The following BBS9 variants were observed in gnomAD, a reference collection of about 807,000 sequenced individuals.
The protein encoded by BBS9 is Bardet-Biedl syndrome 9.
Under a neutral mutation model 117.7 loss-of-function variants are expected in BBS9, and 89 were observed. The observed-to-expected ratio is 0.76, with a 90% CI of 0.64 to 0.90. BBS9 has a LOEUF of 0.90. Among genes scored for constraint, BBS9 ranks in the 40% least tolerant of loss-of-function variants. BBS9 has a pLI of 0.00. For missense variants in BBS9, 982 were observed against 1,042.2 expected, an observed-to-expected ratio of 0.94 and a Z score of 0.80; for synonymous variants, 379 against 370.9, an observed-to-expected ratio of 1.02 and a Z score of -0.25.
chr7:33,167,554 C>G (rs900415735), intron 4 of BBS9, among the ~76,000 whole-genome samples: 4 of 152,152 alleles, frequency 2.6e-5, no homozygotes, highest in East Asian at 1.9e-4. Flanking sequence ...AGGTGCCCAC[C>G]ACCATGTCCA....
intron 16 of BBS9, among the ~76,000 whole-genome samples, chr7:33,362,465 A>C (rs557418131): frequency 6.6e-6 from 1 of 152,182 alleles, no homozygotes; most frequent in South Asian, 2.1e-4. Context: ...GATGGATGAA[A>C]TTCATGTTTT....
intron 5 of BBS9, among the ~76,000 whole-genome samples, chr7:33,190,077 A>C (rs908500030): frequency 2.0e-5 from 3 of 151,252 alleles, no homozygotes; most frequent in Non-Finnish European, 4.4e-5. Context: ...TTCCTTTAAA[A>C]AATTTCTTTT....
chr7:33,398,177 A>G lies in BBS9; in HGVS notation c.2115+10033A>G, dbSNP rs74677823. 8.9e-3 allele frequency among the ~76,000 whole-genome samples: 1,354 copies of G among 152,220 alleles called. 7 individuals are homozygous for G. Among genetic ancestry groups the G allele is most frequent in the Non-Finnish European group, 0.014 (986 of 68,010 alleles). On this transcript the variant is annotated intron_variant, in intron 19 of 22. Coordinates refer to ENST00000242067, the MANE Select transcript of BBS9 (RefSeq NM_198428.3). ...ACACTTGAAATGTGAATTTTATGTT[A>G]TGTGTGTTTTACCAGATATATTACC...
chr7:33,524,918 G>T (rs1024427930), intron 20 of BBS9, among the ~76,000 whole-genome samples: 1 of 152,198 alleles, frequency 6.6e-6, no homozygotes, highest in Non-Finnish European at 1.5e-5. Flanking sequence ...GCACTGCTTT[G>T]AATGCATCCC....
At chr7:33,172,836 G>A (rs1796799841) in intron 4 of BBS9, among the ~76,000 whole-genome samples, 1 of 152,004 alleles carries the variant, frequency 6.6e-6, no homozygotes, top group Admixed American at 6.5e-5. Context: ...CTCAAACCAA[G>A]GAAAAAATGG....
intron 9 of BBS9, among the ~76,000 whole-genome samples, chr7:33,305,894 A>G (rs1003271955): frequency 7.3e-5 from 11 of 151,476 alleles, no homozygotes; most frequent in Admixed American, 1.3e-4. Context: ...TCTTCATTTT[A>G]GTGTTATTTA....
intron 9 of BBS9, among the ~76,000 whole-genome samples, chr7:33,290,672 A>G (rs1051714198): frequency 2.6e-5 from 4 of 152,282 alleles, no homozygotes; most frequent in Admixed American, 1.3e-4. Flanking sequence ...GCATAGTGAT[A>G]TGATAGAAGT....
intron 19 of BBS9, among the ~76,000 whole-genome samples, chr7:33,448,775 C>T (rs1299678475): frequency 6.6e-6 from 1 of 152,194 alleles, no homozygotes; most frequent in Non-Finnish European, 1.5e-5. Flanking sequence ...GAGCAGTAAC[C>T]ATGTTGGTCT....
chr7:33,445,637 A>T (rs1836873195), intron 19 of BBS9, among the ~76,000 whole-genome samples: 1 of 152,174 alleles, frequency 6.6e-6, no homozygotes, highest in Admixed American at 6.6e-5. Context: ...CATCTAAATG[A>T]TATTGATATG....
At chr7:33,176,851 CTT>C (rs966673084) in intron 4 of BBS9, among the ~76,000 whole-genome samples, 18 of 152,204 alleles carry the variant, frequency 1.2e-4, no homozygotes, top group Middle Eastern at 3.4e-3. Flanking sequence ...GATAAATACT[CTT>C]TTCTCATTTG....
At position 33,352,854 on chromosome 7, in the gene BBS9, G is replaced by A; in HGVS notation, c.1538-5G>A. The A allele has an allele frequency of 1.2e-6, 2 of 1,612,668 alleles. No homozygotes were observed. The highest frequency in any genetic ancestry group is 1.7e-6 in the Non-Finnish European group (2 of 1,178,916). On this transcript the variant is annotated splice_polypyrimidine_tract_variant and splice_region_variant and intron_variant, in intron 14 of 22. Coordinates refer to ENST00000242067, the MANE Select transcript of BBS9 (RefSeq NM_198428.3). Reference sequence around the variant, plus strand: ...ACCCATTTTTGCATTGCCTGTGATGGACAGATCGAAATCCTGATGGTAAGT... The same window carrying A: ...ACCCATTTTTGCATTGCCTGTGATGAACAGATCGAAATCCTGATGGTAAGT...
intron 21 of BBS9, among the ~76,000 whole-genome samples, chr7:33,624,705 A>C (rs564105179): frequency 1.5e-4 from 23 of 152,336 alleles, no homozygotes; most frequent in African/African-American, 5.5e-4. Context: ...GATAAAAGAT[A>C]ATTGTAAATA....
chr7:33,143,300 T>G (rs1791811889), intron 1 of BBS9, among the ~76,000 whole-genome samples: 1 of 152,174 alleles, frequency 6.6e-6, no homozygotes, highest in Non-Finnish European at 1.5e-5. Context: ...ACCTACCCAC[T>G]GTTTTCCATA....
At chr7:33,565,815 A>C (rs1315087077) in intron 21 of BBS9, among the ~76,000 whole-genome samples, 1 of 60,166 alleles carries the variant, frequency 1.7e-5, no homozygotes, top group African/African-American at 1.9e-4. Context: ...ATATATATAT[A>C]TATATATATA....
intron 19 of BBS9, among the ~76,000 whole-genome samples, chr7:33,417,617 C>T (rs1832217661): frequency 1.3e-5 from 2 of 152,152 alleles, no homozygotes; most frequent in Non-Finnish European, 2.9e-5. Flanking sequence ...CAAAGGTTGC[C>T]ATAACTGTTT....
At chr7:33,580,458 A>G (rs1859692329) in intron 21 of BBS9, among the ~76,000 whole-genome samples, 1 of 152,152 alleles carries the variant, frequency 6.6e-6, no homozygotes, top group Non-Finnish European at 1.5e-5. Flanking sequence ...GTAGAAATGA[A>G]GTAGGTAACA....
rs528981830 is a variant in BBS9, at chr7:33,555,592, G to T, written c.2521+21416G>T. Among the ~76,000 whole-genome samples the T allele has an allele frequency of 6.6e-5, 10 of 152,222 alleles. No individual in the cohort carries two copies. The East Asian group carries it at 1.4e-3, about 21-fold the overall frequency. On this transcript the variant is annotated intron_variant, in intron 21 of 22. Transcript: ENST00000242067. Reference sequence around the variant, plus strand: ...TCAGGAGATAAAATTGAGAGGATTTGGTAGTTAAAATTGAGAGGATTTGGT... The same window carrying T: ...TCAGGAGATAAAATTGAGAGGATTTTGTAGTTAAAATTGAGAGGATTTGGT...
chr7:33,630,560 A>G (rs1865844232), intron 21 of BBS9, among the ~76,000 whole-genome samples: 2 of 152,174 alleles, frequency 1.3e-5, no homozygotes, highest in Non-Finnish European at 2.9e-5. Context: ...TAAATACTTA[A>G]GCACACTGCA....
At chr7:33,580,493 G>T (rs1859699246) in intron 21 of BBS9, among the ~76,000 whole-genome samples, 1 of 134,762 alleles carries the variant, frequency 7.4e-6, no homozygotes, top group Admixed American at 6.9e-5. Flanking sequence ...TTGCTTATTT[G>T]TATGCAAAAC....
Sources: gnomAD v4.1 joint callset for allele counts (sites outside exome capture counted in the v4.1 genomes callset) on GRCh38, gnomAD v4.1.1 for gene constraint, MANE v1.5 for transcripts, NCBI Gene and HGNC (gene_info 2026-07-23, HGNC 2026-07-21) for gene names.